NRXN3: variants seen among roughly 807,000 people sequenced by gnomAD.
NRXN3 encodes neurexin 3.
A neutral mutation model predicts 137.6 loss-of-function variants in NRXN3; 32 were observed. The observed-to-expected ratio is 0.23, with a 90% confidence interval of 0.18 to 0.31. The LOEUF (loss-of-function observed/expected upper bound fraction) is 0.31. NRXN3 is among the 10% of genes least tolerant of loss of function. NRXN3 has a pLI of 1.00. For missense variants in NRXN3, 1,574 were observed against 2,062.5 expected (o/e 0.76, Z 4.59); for synonymous variants, 798 against 784.5 (o/e 1.02, Z -0.29).
rs2099064186 is a variant in NRXN3, at chr14:79,768,463, C to T, written c.4015-36649C>T. Among the ~76,000 whole-genome samples the T allele has an allele frequency of 2.0e-5, 3 of 152,284 alleles. 1 individual carries two copies. The highest frequency in any genetic ancestry group is 7.2e-5 in the African/African-American group (3 of 41,574). ...ACTGCCTCCTCAAGTGGGTCCCTGA[C>T]CCCTGACCCCCGAGCAGCCTAACTG... is the stretch of plus-strand genomic sequence containing the variant. On this transcript the variant is annotated intron_variant, in intron 19 of 20. Transcript: ENST00000335750.
At chr14:79,527,155 A>G (rs1194506038) in intron 16 of NRXN3, among the ~76,000 whole-genome samples, 2 of 151,786 alleles carry the variant, frequency 1.3e-5, no homozygotes, top group East Asian at 3.9e-4. Flanking sequence ...TTAGCCGGGC[A>G]TGGTGGCAGA....
intron 15 of NRXN3, among the ~76,000 whole-genome samples, chr14:79,424,425 T>A (rs542543088): frequency 6.6e-6 from 1 of 152,334 alleles, no homozygotes; most frequent in African/African-American, 2.4e-5. Context: ...ACATAGACAA[T>A]AATAATTATG....
chr14:78,813,329 C>T (rs951767611), intron 10 of NRXN3, among the ~76,000 whole-genome samples: 1 of 152,116 alleles, frequency 6.6e-6, no homozygotes, highest in African/African-American at 2.4e-5. Context: ...CATAGCTTGA[C>T]CTGTTACAGG....
At chr14:79,604,232 T>C (rs2097967334) in intron 16 of NRXN3, among the ~76,000 whole-genome samples, 2 of 148,484 alleles carry the variant, frequency 1.3e-5, no homozygotes, top group Admixed American at 1.3e-4. Flanking sequence ...CTTTGTTTTT[T>C]GTTTCTTTGT....
chr14:79,012,624 G>C (rs1050607848), intron 15 of NRXN3, among the ~76,000 whole-genome samples: 2 of 152,152 alleles, frequency 1.3e-5, no homozygotes, highest in Admixed American at 6.6e-5. Flanking sequence ...AACCCTCTAA[G>C]AAGGCATGCC....
intron 15 of NRXN3, among the ~76,000 whole-genome samples, chr14:79,355,617 T>G (rs954829161): frequency 6.6e-5 from 10 of 152,230 alleles, no homozygotes; most frequent in Non-Finnish European, 8.8e-5. Context: ...TTATTTTTAT[T>G]CTTACAGCTT....
chr14:79,237,233 C>T (rs2073533108), intron 15 of NRXN3, among the ~76,000 whole-genome samples: 1 of 152,008 alleles, frequency 6.6e-6, no homozygotes. Flanking sequence ...AAGAGGCAGA[C>T]ACATGTTTTT....
chr14:78,865,681 A>C (rs1567553551), intron 10 of NRXN3, among the ~76,000 whole-genome samples: 2 of 152,216 alleles, frequency 1.3e-5, no homozygotes, highest in Non-Finnish European at 2.9e-5. Context: ...CCTAGCATAA[A>C]ATTTATTAAA....
intron 19 of NRXN3, among the ~76,000 whole-genome samples, chr14:79,776,641 AGT>A (rs2099098059): frequency 6.6e-6 from 1 of 152,246 alleles, no homozygotes; most frequent in African/African-American, 2.4e-5. Context: ...AGAACTATGC[AGT>A]GTCAAGGACC....
At chr14:78,326,451 A>C (rs568564519) in intron 4 of NRXN3, among the ~76,000 whole-genome samples, 1 of 152,356 alleles carries the variant, frequency 6.6e-6, no homozygotes, top group South Asian at 2.1e-4. Flanking sequence ...TCCATCTGGA[A>C]TAACATGTTC....
intron 16 of NRXN3, among the ~76,000 whole-genome samples, chr14:79,486,912 G>GC (rs2096660508): frequency 1.1e-5 from 1 of 88,406 alleles, no homozygotes; most frequent in East Asian, 5.5e-4. Flanking sequence ...CTCTTTACAG[G>GC]TTCTCTCTCT....
At chr14:78,357,933 T>G (rs530654968) in intron 4 of NRXN3, among the ~76,000 whole-genome samples, 1 of 152,322 alleles carries the variant, frequency 6.6e-6, no homozygotes, top group Non-Finnish European at 1.5e-5. Flanking sequence ...ATCATCTTCT[T>G]CAGTCTTAGA....
At chr14:78,640,573 A>G (rs2097614694) in intron 4 of NRXN3, among the ~76,000 whole-genome samples, 2 of 152,210 alleles carry the variant, frequency 1.3e-5, no homozygotes, top group Admixed American at 6.5e-5. Flanking sequence ...ATAAATTATA[A>G]GTTGGGTGTC....
rs1315362333 is a variant in NRXN3, at chr14:79,605,756, C to G, written c.3445-58022C>G. On this transcript the variant is annotated intron_variant, in intron 16 of 20. Transcript: ENST00000335750. ...CTGCCTACCTCGGCCTCCCAAAGTG[C>G]TGGGATTATAGGCATGAACCACTGC... is the stretch of plus-strand genomic sequence containing the variant. Among the ~76,000 whole-genome samples, 21 of 152,256 alleles carry G rather than the reference C, an allele frequency of 1.4e-4. No homozygotes were observed. The East Asian group carries it at 2.7e-3, about 20-fold the overall frequency.
chr14:78,385,966 C>A (rs902104544), intron 4 of NRXN3, among the ~76,000 whole-genome samples: 1 of 152,030 alleles, frequency 6.6e-6, no homozygotes, highest in Admixed American at 6.6e-5. Flanking sequence ...TGAGGAGCAA[C>A]TGAAGAAAAG....
intron 1 of NRXN3, among the ~76,000 whole-genome samples, chr14:78,175,632 A>C (rs999089083): frequency 6.6e-6 from 1 of 152,084 alleles, no homozygotes; most frequent in South Asian, 2.1e-4. Context: ...TCTGAGGATG[A>C]AGCAAGTGCG....
chr14:79,795,358 T>C (rs1433490821), intron 19 of NRXN3, among the ~76,000 whole-genome samples: 3 of 152,214 alleles, frequency 2.0e-5, no homozygotes, highest in African/African-American at 7.2e-5. Context: ...TAATAGCACC[T>C]GAAGACATTC....
At chr14:79,814,034 A>C (rs2293813) in intron 20 of NRXN3, among the ~76,000 whole-genome samples, 15,967 of 152,290 alleles carry the variant, frequency 0.1, 1,142 homozygotes, top group African/African-American at 0.19. Flanking sequence ...CCTCCATCAC[A>C]AGTGCATGAC....
intron 2 of NRXN3, among the ~76,000 whole-genome samples, chr14:78,273,805 T>C (rs2073161931): frequency 6.6e-6 from 1 of 152,196 alleles, no homozygotes. Flanking sequence ...CCAGCACACT[T>C]CTTCAGCTAC....
Sources: gnomAD v4.1 joint callset for allele counts (sites outside exome capture counted in the v4.1 genomes callset) on GRCh38, gnomAD v4.1.1 for gene constraint, MANE v1.5 for transcripts, NCBI Gene and HGNC (gene_info 2026-07-23, HGNC 2026-07-21) for gene names.